TRAPPC8: variants seen among roughly 807,000 people sequenced by gnomAD.
TRAPPC8 encodes trafficking protein particle complex subunit 8, also known as general sporulation gene 1 homolog.
TRAPPC8 carries 54 observed loss-of-function variants against 174.3 expected under a neutral mutation model. The ratio of observed to expected loss-of-function variants is 0.31; its 90% CI spans 0.25 to 0.39. TRAPPC8 has a LOEUF of 0.39. TRAPPC8 is among the 10% of genes least tolerant of loss of function. The pLI is 1.00. For missense variants in TRAPPC8, 1,531 were observed against 1,699.1 expected (o/e 0.90, Z 1.74); for synonymous variants, 630 against 579.9 (o/e 1.09, Z -1.24).
chr18:31,932,440 AC>A (rs1211052017), intron 1 of TRAPPC8, among the ~76,000 whole-genome samples: 28 of 151,198 alleles, frequency 1.9e-4, no homozygotes, highest in African/African-American at 4.4e-4. Context: ...AAAAAAAAAA[AC>A]AACAACAACA....
At chr18:31,846,349 G>A (rs748608073) in intron 26 of TRAPPC8, among the ~76,000 whole-genome samples, 3 of 152,150 alleles carry the variant, frequency 2.0e-5, no homozygotes, top group Non-Finnish European at 2.9e-5. Flanking sequence ...CAAGGCAGGA[G>A]GATCGCTTGA....
At chr18:31,885,165 G>T (rs116546957) in intron 12 of TRAPPC8, among the ~76,000 whole-genome samples, 1 of 152,012 alleles carries the variant, frequency 6.6e-6, no homozygotes, top group African/African-American at 2.4e-5. Flanking sequence ...CCAAAATTAA[G>T]TTTTTTTAAA....
chr18:31,926,248 G>T lies in TRAPPC8; in HGVS notation c.352+5081C>A, dbSNP rs116736618. 5.5e-3 allele frequency among the ~76,000 whole-genome samples: 834 copies of T among 152,266 alleles called. 5 individuals are homozygous for T. The highest frequency in any genetic ancestry group is 0.019 in the African/African-American group (793 of 41,546). On this transcript the variant is annotated intron_variant, in intron 2 of 28. Transcript: ENST00000283351. ...CATGGAGACCCTTTGGAGAGCCACAGACCACTGTAATAGCTAAGATTTTTT... is the reference window on the plus strand; with the variant it reads ...CATGGAGACCCTTTGGAGAGCCACATACCACTGTAATAGCTAAGATTTTTT...
At chr18:31,839,503 G>GT in intron 26 of TRAPPC8, 46 bp from the exon 27 acceptor site, 2 of 1,381,746 alleles carry the variant, frequency 1.4e-6, no homozygotes, top group South Asian at 1.5e-5. Flanking sequence ...ACACTACCTT[G>GT]TTTAAAAAAA....
At position 31,908,999 on chromosome 18, in the gene TRAPPC8, T is replaced by C; in HGVS notation, c.877A>G (p.Asn293Asp). 6.2e-7 allele frequency: 1 copy of C among 1,606,628 alleles called. No individual in the cohort carries two copies. Among genetic ancestry groups the C allele is most frequent in the Non-Finnish European group, 8.5e-7 (1 of 1,175,786 alleles). The change falls in exon 7 of 29, where the codon AAT (asparagine) becomes GAT (aspartate). Residue 293 changes from asparagine to aspartate, a missense_variant. By Grantham distance (23) the Asn-to-Asp change is conservative. Coordinates refer to ENST00000283351, the MANE Select transcript of TRAPPC8 (RefSeq NM_014939.5). ...TGAAGTGGGTGAGCTCTAAAGTTAT[T>C]TGGTAAGCCATCTACTGAAAAAGAG... ...LDNEVKDGLP[N>D]NFRAHPLQLE...
intron 21 of TRAPPC8, 65 bp downstream of exon 21, chr18:31,855,595 T>G: frequency 6.9e-7 from 1 of 1,440,962 alleles, no homozygotes; most frequent in Non-Finnish European, 9.4e-7. Flanking sequence ...CAAAAACCAC[T>G]ACTAAACACA....
chr18:31,885,503 A>AT (rs146998367), intron 12 of TRAPPC8, among the ~76,000 whole-genome samples: 9,859 of 151,494 alleles, frequency 0.065, 330 homozygotes, highest in Middle Eastern at 0.11. Flanking sequence ...ATCAATGCCA[A>AT]TTTTTTTTTA....
chr18:31,872,747 G>A (rs2034933814), intron 14 of TRAPPC8, among the ~76,000 whole-genome samples: 1 of 151,644 alleles, frequency 6.6e-6, no homozygotes, highest in Admixed American at 6.6e-5. Context: ...AGCAAAAGAT[G>A]GAAACAGTCT....
chr18:31,935,766 C>T (rs1438861951), intron 1 of TRAPPC8, among the ~76,000 whole-genome samples: 2 of 150,010 alleles, frequency 1.3e-5, no homozygotes, highest in African/African-American at 4.9e-5. Context: ...GACAGAGTCT[C>T]GCTCCGTCAC....
intron 2 of TRAPPC8, among the ~76,000 whole-genome samples, chr18:31,924,667 C>T (rs1047055050): frequency 4.6e-5 from 6 of 130,052 alleles, no homozygotes; most frequent in African/African-American, 1.5e-4. Context: ...GAACCCGGGA[C>T]GTGGAGGTTG....
intron 11 of TRAPPC8, among the ~76,000 whole-genome samples, chr18:31,891,778 A>C (rs1356722009): frequency 6.6e-6 from 1 of 152,216 alleles, no homozygotes; most frequent in African/African-American, 2.4e-5. Flanking sequence ...TAAATGCGAT[A>C]ATCTCAACAA....
In TRAPPC8 at chr18:31,849,441, A is replaced by C. The variant is rs558791505; in HGVS notation, c.3735+125T>G. 41 of 849,458 alleles carry C rather than the reference A, an allele frequency of 4.8e-5. 1 individual carries two copies. In the South Asian group the frequency reaches 1.4e-3, roughly 29 times the overall value. 52.6% of individuals were successfully genotyped at this position (849,458 alleles called of 1,614,324 possible). ...GCCAAAAAAAAATATGTAACTGTTA[A>C]AGTTTCAATATTGAAACTAGAAAAG... On this transcript the variant is annotated intron_variant, in intron 25 of 28. Coordinates refer to ENST00000283351, the MANE Select transcript of TRAPPC8 (RefSeq NM_014939.5).
intron 27 of TRAPPC8, among the ~76,000 whole-genome samples, chr18:31,835,140 G>A (rs565162043): frequency 6.6e-6 from 1 of 152,176 alleles, no homozygotes; most frequent in Non-Finnish European, 1.5e-5. Context: ...CAGTAACTCA[G>A]TACAGCGAGA....
rs1311937631 is a variant in TRAPPC8 at position 31,931,688 on chromosome 18, T to C, written c.158-165A>G. ...ATAAATGGTTGACAACATTCCCTCA[T>C]ATACCAAAAGGGCTAGCTAGACAGT... On this transcript the variant is annotated intron_variant, in intron 1 of 28. Transcript: ENST00000283351. 5.9e-5 allele frequency among the ~76,000 whole-genome samples: 9 copies of C among 152,150 alleles called. No individual in the cohort carries two copies. In the East Asian group the frequency reaches 1.7e-3, roughly 29 times the overall value.
In TRAPPC8 at chr18:31,850,913, TAA is replaced by T. The variant is rs199924421; in HGVS notation, c.3562-1176_3562-1175del. On this transcript the variant is annotated intron_variant, in intron 24 of 28. Coordinates refer to ENST00000283351, the MANE Select transcript of TRAPPC8 (RefSeq NM_014939.5). ...GATTTTAAAAGTTTTTAAAGAAATT[TAA>T]AAAAAAATAACTAAAGTCCTGAAAA... is the stretch of plus-strand genomic sequence containing the variant. Among the ~76,000 whole-genome samples the T allele has an allele frequency of 5.9e-5, 9 of 151,548 alleles. No homozygotes were observed. In the East Asian group the frequency reaches 1.7e-3, roughly 29 times the overall value.
intron 9 of TRAPPC8, among the ~76,000 whole-genome samples, chr18:31,902,264 G>A (rs565465229): frequency 3.3e-5 from 5 of 152,296 alleles, no homozygotes; most frequent in African/African-American, 1.2e-4. Context: ...CCGGGAAGCG[G>A]GGGTTGCACT....
chr18:31,907,547 C>T lies in TRAPPC8; in HGVS notation c.1302G>A (p.Gln434=), dbSNP rs2036716672. 4 of 1,611,534 alleles carry T rather than the reference C, an allele frequency of 2.5e-6. No individual in the cohort carries two copies. Among genetic ancestry groups the T allele is most frequent in the Non-Finnish European group, 3.4e-6 (4 of 1,178,526 alleles). ...AGCAACTGTAAGCCAAATCATAATG[C>T]TGCACCAAAAAACATAAGTCAGCCA... ...RKMADLCFLV[Q]HYDLAYSCYH... The change falls in exon 9 of 29, where the codon CAG becomes CAA. Residue 434 remains glutamine, a synonymous_variant. Transcript: ENST00000283351.
At chr18:31,867,593 T>A in intron 16 of TRAPPC8, 117 bp from the exon 17 acceptor site, 1 of 668,594 alleles carries the variant, frequency 1.5e-6, no homozygotes, top group Non-Finnish European at 2.5e-6. Flanking sequence ...ATTTACTTGG[T>A]TTTTACCACA....
intron 15 of TRAPPC8, 50 bp downstream of exon 15, chr18:31,870,876 G>A: frequency 7.2e-7 from 1 of 1,384,854 alleles, no homozygotes; most frequent in Non-Finnish European, 9.6e-7. Flanking sequence ...TCTTCATCAT[G>A]CTGTAAGTAA....
Sources: allele counts gnomAD v4.1 joint callset (sites outside exome capture counted in the v4.1 genomes callset), GRCh38; gene constraint gnomAD v4.1.1; transcripts MANE v1.5; gene names NCBI Gene and HGNC (gene_info 2026-07-23, HGNC 2026-07-21).